Variants in ADCK1 observed in about 807,000 individuals in gnomAD.
ADCK1 encodes the protein aarF domain containing kinase 1.
ADCK1 carries 41 observed loss-of-function variants against 52.3 expected under a neutral mutation model. That is an observed-to-expected ratio of 0.78 (90% CI 0.61 to 1.02). The LOEUF (loss-of-function observed/expected upper bound fraction) is 1.02. Among genes scored for constraint, ADCK1 ranks in the 50% least tolerant of loss-of-function variants. The probability of loss-of-function intolerance (pLI) is 0.00; values close to 1 mark genes in which losing one functional copy is unlikely to be tolerated. For synonymous variants in ADCK1, 250 were observed against 274.6 expected (o/e 0.91, Z 0.89); for missense variants, 658 against 679.5 (o/e 0.97, Z 0.35).
intron 7 of ADCK1, among the ~76,000 whole-genome samples, chr14:77,920,512 A>C (rs956275878): frequency 3.9e-5 from 6 of 152,170 alleles, no homozygotes; most frequent in African/African-American, 1.4e-4. Context: ...TCTGTAGTAT[A>C]GTTAGAAGTT....
intron 8 of ADCK1, 39 bp from the exon 9 acceptor site, chr14:77,925,725 G>T: frequency 6.2e-7 from 1 of 1,603,130 alleles, no homozygotes. Flanking sequence ...TTGGTGGGGA[G>T]ACGAGGCTTA....
chr14:77,888,713 A>G (rs1480683430), intron 5 of ADCK1, among the ~76,000 whole-genome samples: 1 of 152,168 alleles, frequency 6.6e-6, no homozygotes, highest in Admixed American at 6.5e-5. Context: ...ATGAATGAGA[A>G]GGAGACAAAT....
chr14:77,863,458 A>G (rs962540), intron 4 of ADCK1, among the ~76,000 whole-genome samples: 57,578 of 151,572 alleles, frequency 0.38, 11,705 homozygotes, highest in Admixed American at 0.51. Context: ...ATGCACACAC[A>G]TACACACACG....
intron 3 of ADCK1, 80 bp downstream of exon 3, chr14:77,822,598 C>A: frequency 8.2e-7 from 1 of 1,223,694 alleles, no homozygotes; most frequent in Non-Finnish European, 1.2e-6. Context: ...GATCCTCCCA[C>A]CTCACCCCCG....
chr14:77,832,450 AC>A (rs2081876483), intron 3 of ADCK1, among the ~76,000 whole-genome samples: 1 of 152,222 alleles, frequency 6.6e-6, no homozygotes, highest in African/African-American at 2.4e-5. Flanking sequence ...GAAAGTAGAC[AC>A]AAAGATGCCT....
In ADCK1 at chr14:77,933,405, C is replaced by T. The variant is rs775849084; in HGVS notation, c.*14C>T. ...GCTCCACTCTGAGTGGAATTGCTCT[C>T]CCTGCCCCATTCTGGTGTCTTTCCA... On this transcript the variant is annotated 3_prime_UTR_variant, in exon 11 of 11. Transcript: ENST00000238561. 1.2e-6 allele frequency: 2 copies of T among 1,612,150 alleles called. No homozygotes were observed. Among genetic ancestry groups the T allele is most frequent in the Non-Finnish European group, 1.7e-6 (2 of 1,178,630 alleles).
chr14:77,900,014 G>T (rs2083496113), intron 6 of ADCK1, among the ~76,000 whole-genome samples: 1 of 149,992 alleles, frequency 6.7e-6, no homozygotes. Context: ...AGATTGCAGT[G>T]AGCTGAGATC....
At chr14:77,852,147 C>T (rs28794568) in intron 3 of ADCK1, among the ~76,000 whole-genome samples, 6,856 of 151,948 alleles carry the variant, frequency 0.045, 315 homozygotes, top group African/African-American at 0.11. Context: ...TACAGGTGCG[C>T]GCCACCACGC....
At chr14:77,807,149 AGCTCCGCCTCCCGGGTCCAC>A (rs1289587656) in intron 1 of ADCK1, among the ~76,000 whole-genome samples, 4 of 141,514 alleles carry the variant, frequency 2.8e-5, no homozygotes, top group African/African-American at 8.1e-5. Context: ...GCTCACTGCA[AGCTCCGCCTCCCGGGTCCAC>A]GCCATTCTCC....
chr14:77,821,609 G>C (rs1275372720), intron 2 of ADCK1, among the ~76,000 whole-genome samples: 1 of 151,934 alleles, frequency 6.6e-6, no homozygotes, highest in African/African-American at 2.4e-5. Flanking sequence ...GGCCAGGCGC[G>C]GTGGCTCATG....
chr14:77,844,906 G>A (rs2364743), intron 3 of ADCK1, among the ~76,000 whole-genome samples: 57,652 of 152,056 alleles, frequency 0.38, 11,727 homozygotes, highest in Admixed American at 0.51. Flanking sequence ...TAGGCAAGTC[G>A]TCACCTGGAC....
chr14:77,825,789 C>T (rs534085459), intron 3 of ADCK1, among the ~76,000 whole-genome samples: 9 of 152,004 alleles, frequency 5.9e-5, no homozygotes, highest in Non-Finnish European at 1.2e-4. Context: ...CTACAGGCAC[C>T]GAAATGTTAG....
chr14:77,835,453 C>T (rs767032826), intron 3 of ADCK1, among the ~76,000 whole-genome samples: 3 of 152,186 alleles, frequency 2.0e-5, no homozygotes, highest in Admixed American at 6.5e-5. Flanking sequence ...GCCAAATGTC[C>T]TTCACCCAGA....
intron 2 of ADCK1, among the ~76,000 whole-genome samples, chr14:77,819,524 C>A (rs1315258357): frequency 6.6e-6 from 1 of 152,210 alleles, no homozygotes; most frequent in African/African-American, 2.4e-5. Flanking sequence ...CAATCCCTCT[C>A]CAGTGAGCTA....
rs1370035518 is a variant in ADCK1 at position 77,923,418 on chromosome 14, T to C, written c.859-1039T>C. ...GCTGGAATGTCAGTGTGGTGTGAGATGAGACCAGGCAGGAGGCAGGGCCTG... is the reference window on the plus strand; with the variant it reads ...GCTGGAATGTCAGTGTGGTGTGAGACGAGACCAGGCAGGAGGCAGGGCCTG... On this transcript the variant is annotated intron_variant, in intron 7 of 10. Coordinates refer to ENST00000238561, the MANE Select transcript of ADCK1 (RefSeq NM_020421.4). This position sits in a 1 kb window ranked among gnomAD's most constrained non-coding sequence, Gnocchi z 4.3. 6.6e-6 allele frequency: 1 copy of C among 152,314 alleles called. No individual in the cohort carries two copies. 9.4% of individuals were successfully genotyped at this position (152,314 alleles called of 1,614,324 possible).
intron 4 of ADCK1, among the ~76,000 whole-genome samples, chr14:77,866,884 C>A (rs958418672): frequency 2.0e-5 from 3 of 152,110 alleles, no homozygotes; most frequent in Admixed American, 1.3e-4. Flanking sequence ...CAGGAGAGCC[C>A]CTCCTACCCT....
In ADCK1 at chr14:77,817,465, C is replaced by T. The variant is rs1594866948; in HGVS notation, c.-11-1503C>T. ...TGCAGCTGTGGTCATGGACTTTAGT[C>T]TGACATAAATTGCTCAGGAATTGAA... On this transcript the variant is annotated intron_variant, in intron 1 of 10. Transcript: ENST00000238561. Among the ~76,000 whole-genome samples the T allele has an allele frequency of 4.6e-5, 7 of 152,210 alleles. No individual in the cohort carries two copies. The South Asian group carries it at 1.5e-3, about 32-fold the overall frequency.
At chr14:77,848,766 C>T (rs114350765) in intron 3 of ADCK1, among the ~76,000 whole-genome samples, 139 of 152,006 alleles carry the variant, frequency 9.1e-4, no homozygotes, top group African/African-American at 3.1e-3. Flanking sequence ...CCATGCCCGG[C>T]CTGTTTATTT....
chr14:77,831,045 A>C (rs1051140628), intron 3 of ADCK1, among the ~76,000 whole-genome samples: 23 of 152,184 alleles, frequency 1.5e-4, no homozygotes, highest in African/African-American at 4.8e-4. Flanking sequence ...CTGAGCATAT[A>C]GTTTGGGGTC....
Sources: gnomAD v4.1 joint callset for allele counts (sites outside exome capture counted in the v4.1 genomes callset) on GRCh38, gnomAD v4.1.1 for gene constraint, Gnocchi (gnomAD v3.1) non-coding constraint, MANE v1.5 for transcripts, NCBI Gene and HGNC (gene_info 2026-07-23, HGNC 2026-07-21) for gene names.